Variants in ALDH4A1 observed in about 807,000 individuals in gnomAD.
ALDH4A1 encodes delta-1-pyrroline-5-carboxylate dehydrogenase, mitochondrial.
Under a neutral mutation model 70.5 loss-of-function variants are expected in ALDH4A1, and 46 were observed. The observed-to-expected ratio is 0.65, with a 90% confidence interval of 0.51 to 0.83. ALDH4A1 has a LOEUF of 0.83. Ranked by LOEUF, ALDH4A1 falls within the 40% of genes least tolerant of loss-of-function variation. The pLI, the probability that ALDH4A1 is intolerant of heterozygous loss-of-function variation, is 0.00. For missense variants in ALDH4A1, 749 were observed against 766.5 expected (o/e 0.98, Z 0.27); for synonymous variants, 323 against 324.3 (o/e 1.00, Z 0.04).
intron 3 of ALDH4A1, among the ~76,000 whole-genome samples, chr1:18,887,578 G>C (rs996557135): frequency 6.6e-6 from 1 of 151,934 alleles, no homozygotes; most frequent in African/African-American, 2.4e-5. Flanking sequence ...CAGCCTGGGC[G>C]ACAGAGCGAG....
intron 8 of ALDH4A1, 124 bp from the exon 9 acceptor site, chr1:18,879,497 G>A (rs1014078725): frequency 4.0e-5 from 33 of 826,380 alleles, no homozygotes; most frequent in East Asian, 2.7e-4. Context: ...CGGGGATGGC[G>A]GCTGGGAACA....
rs75587977 is a variant in ALDH4A1, at chr1:18,895,901, C to T, written c.63-5796G>A. Among the ~76,000 whole-genome samples, 1,212 of 152,344 alleles carry T rather than the reference C, an allele frequency of 8.0e-3. 15 individuals carry two copies. The highest frequency in any genetic ancestry group is 0.027 in the African/African-American group (1,136 of 41,566). The stretch of plus-strand genomic sequence containing the variant: ...GAAAATCTGATCATCAGAGAGATGG[C>T]ACAGTGGGGAGCTCAGTGAGAAACT... On this transcript the variant is annotated intron_variant, in intron 1 of 14. Coordinates refer to ENST00000375341, the MANE Select transcript of ALDH4A1 (RefSeq NM_003748.4).
intron 2 of ALDH4A1, 66 bp from the exon 3 acceptor site, chr1:18,889,520 A>C: frequency 7.9e-6 from 11 of 1,390,702 alleles, no homozygotes; most frequent in Non-Finnish European, 1.1e-5. Context: ...TAAAACCCTA[A>C]CGCAGAGTCC....
chr1:18,875,068 A>G (rs1253818395), intron 13 of ALDH4A1, among the ~76,000 whole-genome samples: 1 of 152,202 alleles, frequency 6.6e-6, no homozygotes, highest in African/African-American at 2.4e-5. Flanking sequence ...GCATGGGACA[A>G]TCACCTCACT....
Position 18,876,249 on chromosome 1 carries a change from CTG to C in ALDH4A1, c.1338+64_1338+65del, listed in dbSNP as rs2100555345. ...AAATGGGAGAATGTCTCCAGGAGAACTGTGTGTGTGCTGTGCTCCGGTGGGAT... is the reference window on the plus strand; with the variant it reads ...AAATGGGAGAATGTCTCCAGGAGAACTGTGTGTGCTGTGCTCCGGTGGGAT... On this transcript the variant is annotated intron_variant, in intron 12 of 14. Coordinates refer to ENST00000375341, the MANE Select transcript of ALDH4A1 (RefSeq NM_003748.4). The C allele has an allele frequency of 3.8e-6, 6 of 1,580,644 alleles. No homozygotes were observed. In the Admixed American group the frequency reaches 5.1e-5, roughly 13 times the overall value.
intron 9 of ALDH4A1, among the ~76,000 whole-genome samples, 200 bp downstream of exon 9, chr1:18,879,100 T>TCAA (rs1934857651): frequency 1.3e-5 from 2 of 152,256 alleles, no homozygotes; most frequent in African/African-American, 2.4e-5. Context: ...TGGCCATGTG[T>TCAA]GGCTGGTGGC....
chr1:18,882,751 G>A (rs1363185200), intron 7 of ALDH4A1: 34 of 576,150 alleles, frequency 5.9e-5, no homozygotes, highest in Middle Eastern at 4.0e-4. Flanking sequence ...GAAGGTCAGC[G>A]GTAATGATCA....
intron 9 of ALDH4A1, 75 bp downstream of exon 9, chr1:18,879,225 C>A: frequency 7.0e-7 from 1 of 1,429,492 alleles, no homozygotes; most frequent in South Asian, 1.2e-5. Context: ...TCCCCTCTAC[C>A]TCCCTCCTCT....
At chr1:18,882,989 C>T in intron 7 of ALDH4A1, 135 bp downstream of exon 7, 1 of 1,204,368 alleles carries the variant, frequency 8.3e-7, no homozygotes, top group South Asian at 1.3e-5. Flanking sequence ...TACCCACAGC[C>T]CCAAGCTGCC....
intron 5 of ALDH4A1, 138 bp downstream of exon 5, chr1:18,885,335 G>T: frequency 2.5e-6 from 2 of 810,478 alleles, no homozygotes; most frequent in South Asian, 3.3e-5. Context: ...CCTAGGCCTT[G>T]TCCCTTGAGG....
intron 1 of ALDH4A1, among the ~76,000 whole-genome samples, chr1:18,896,906 A>G (rs2100610382): frequency 6.6e-6 from 1 of 151,894 alleles, no homozygotes; most frequent in Middle Eastern, 3.4e-3. Flanking sequence ...AAAAAAAAAA[A>G]GAAAGAAAGA....
chr1:18,889,782 T>C (rs1935363490), intron 2 of ALDH4A1, among the ~76,000 whole-genome samples: 1 of 152,260 alleles, frequency 6.6e-6, no homozygotes. Flanking sequence ...ACTAGGTTTA[T>C]GACATCTGAC....
chr1:18,885,541 G>A lies in ALDH4A1; in HGVS notation c.385C>T (p.Leu129=), dbSNP rs1371117699. 1.9e-6 allele frequency: 3 copies of A among 1,609,614 alleles called. No individual in the cohort carries two copies. Among genetic ancestry groups the A allele is most frequent in the Admixed American group, 3.4e-5 (2 of 59,374 alleles). The part of the protein sequence containing the change: ...KPIADRAQIF[L]KAADMLSGPR... Reference sequence around the variant, plus strand: ...CCACTCAGCATGTCTGCCGCCTTCAGGAAGATCTGGGCCCGGTCTGCAATA... The same window carrying A: ...CCACTCAGCATGTCTGCCGCCTTCAAGAAGATCTGGGCCCGGTCTGCAATA... The change falls in exon 5 of 15, where the codon CTG becomes TTG. Residue 129 remains leucine (L), a synonymous_variant. Transcript: ENST00000375341.
chr1:18,888,052 T>C (rs1935286436), intron 3 of ALDH4A1, among the ~76,000 whole-genome samples: 1 of 152,252 alleles, frequency 6.6e-6, no homozygotes, highest in African/African-American at 2.4e-5. Context: ...TGGTGGGTTA[T>C]TGGAGCTTTC....
chr1:18,889,998 C>T lies in ALDH4A1; in HGVS notation c.156+14G>A. On this transcript the variant is annotated intron_variant, in intron 2 of 14. Coordinates refer to ENST00000375341, the MANE Select transcript of ALDH4A1 (RefSeq NM_003748.4). ...TGCCCTGCACCTCTCGGGTGCCTCC[C>T]ACCCTCCCATTACCTTTTGCAGGGC... 6.3e-7 allele frequency: 1 copy of T among 1,594,334 alleles called. No homozygotes were observed. Among genetic ancestry groups the T allele is most frequent in the Non-Finnish European group, 8.6e-7 (1 of 1,169,356 alleles).
In ALDH4A1 at chr1:18,892,453, C is replaced by T. The variant is rs1233401183; in HGVS notation, c.63-2348G>A. ...GCAAACAAGGGGGAGAATAGGGCTG[C>T]TTCAGCCAGGGTGGTCAGGGAAGGC... On this transcript the variant is annotated intron_variant, in intron 1 of 14. Transcript: ENST00000375341. Among the ~76,000 whole-genome samples, 6 of 152,050 alleles carry T rather than the reference C, an allele frequency of 3.9e-5. No individual in the cohort carries two copies. In the East Asian group the frequency reaches 1.2e-3, roughly 29 times the overall value.
In ALDH4A1 at chr1:18,885,583, C is replaced by A; in HGVS notation, c.343G>T (p.Glu115Ter). 1 of 1,613,904 alleles carries A rather than the reference C, an allele frequency of 6.2e-7. No homozygotes were observed. The highest frequency in any genetic ancestry group is 1.1e-5 in the South Asian group (1 of 91,004). Reference sequence around the variant, plus strand: ...TCTGCAATAGGCTTCAGGTCCCACTCTTTCCGGGCAGCCAGGGCAGCCTCA... The same window carrying A: ...TCTGCAATAGGCTTCAGGTCCCACTATTTCCGGGCAGCCAGGGCAGCCTCA... ...AIEAALAARKEWDLKPIADRA... is the reference protein window; with the variant it reads ...AIEAALAARK Residue 115 changes from glutamate (E) to a stop codon, truncating the protein, a stop_gained, in exon 5 of 15, where the codon GAG (glutamate) becomes TAG (stop). Coordinates refer to ENST00000375341, the MANE Select transcript of ALDH4A1 (RefSeq NM_003748.4). LOFTEE classifies it high-confidence loss of function.
Position 18,876,329 on chromosome 1 carries a change from G to A in ALDH4A1, c.1324C>T (p.Pro442Ser). The A allele has an allele frequency of 6.2e-7, 1 of 1,613,832 alleles. No homozygotes were observed. The highest frequency in any genetic ancestry group is 8.5e-7 in the Non-Finnish European group (1 of 1,179,988). ...CIVESKDPQE[P>S]IMKEEIFGPV... is the part of the protein sequence containing the mutation. Reference sequence around the variant, plus strand: ...ACCCCAGTCACCTCCTTCATGATGGGCTCCTGAGGGTCCTTGCTCTCCACG... The same window carrying A: ...ACCCCAGTCACCTCCTTCATGATGGACTCCTGAGGGTCCTTGCTCTCCACG... Residue 442 changes from proline to serine, a missense_variant, in exon 12 of 15, where the codon CCC becomes TCC. Pro to Ser is a moderately conservative substitution (Grantham distance 74). Transcript: ENST00000375341.
chr1:18,877,259 G>T lies in ALDH4A1; in HGVS notation c.1138-4C>A. On this transcript the variant is annotated splice_region_variant and splice_polypyrimidine_tract_variant and intron_variant, in intron 10 of 14. Transcript: ENST00000375341. ...AGGTCCCAAAATCCTCTGCAGGCTGGAGGCAAGGGAGGCGCCAGAAGAGAC... is the reference window on the plus strand; with the variant it reads ...AGGTCCCAAAATCCTCTGCAGGCTGTAGGCAAGGGAGGCGCCAGAAGAGAC... 6.2e-7 allele frequency: 1 copy of T among 1,603,004 alleles called. No homozygotes were observed. Among genetic ancestry groups the T allele is most frequent in the East Asian group, 2.3e-5 (1 of 44,150 alleles).
Sources: allele counts gnomAD v4.1 joint callset (sites outside exome capture counted in the v4.1 genomes callset), GRCh38; gene constraint gnomAD v4.1.1; transcripts MANE v1.5; gene names NCBI Gene and HGNC (gene_info 2026-07-23, HGNC 2026-07-21).